The following SEC24B variants were observed in gnomAD, a reference collection of about 807,000 sequenced individuals.
SEC24B encodes protein transport protein Sec24B.
In SEC24B, 45 loss-of-function variants were observed where a neutral mutation model predicts 142.8. The ratio of observed to expected loss-of-function variants is 0.32; its 90% CI spans 0.25 to 0.40. SEC24B has a LOEUF of 0.40. SEC24B is among the 10% of genes least tolerant of loss of function. The pLI is 1.00. For missense variants in SEC24B, 1,409 were observed against 1,526.8 expected (o/e 0.92, Z 1.29); for synonymous variants, 574 against 568.2 (o/e 1.01, Z -0.15).
chr4:109,452,863 T>C (rs1474831843), intron 1 of SEC24B, among the ~76,000 whole-genome samples: 1 of 152,258 alleles, frequency 6.6e-6, no homozygotes, highest in Non-Finnish European at 1.5e-5. Context: ...TTTTCATGAC[T>C]GTGTCTTATT....
At chr4:109,506,800 C>A (rs1459731529) in intron 7 of SEC24B, among the ~76,000 whole-genome samples, 1 of 151,990 alleles carries the variant, frequency 6.6e-6, no homozygotes, top group Non-Finnish European at 1.5e-5. Context: ...TTTCTTAAAT[C>A]TTTTTCCTCA....
At chr4:109,470,453 A>G (rs1732396805) in intron 2 of SEC24B, among the ~76,000 whole-genome samples, 1 of 152,200 alleles carries the variant, frequency 6.6e-6, no homozygotes, top group African/African-American at 2.4e-5. Flanking sequence ...TCTATGGCAA[A>G]TGATTTTTGT....
chr4:109,454,547 A>C (rs1321409049), intron 1 of SEC24B, among the ~76,000 whole-genome samples: 2 of 151,914 alleles, frequency 1.3e-5, no homozygotes, highest in Non-Finnish European at 2.9e-5. Context: ...CCAAAAAAAA[A>C]AAAAGAAAGA....
At chr4:109,469,453 A>G (rs922515085) in intron 2 of SEC24B, among the ~76,000 whole-genome samples, 5 of 152,230 alleles carry the variant, frequency 3.3e-5, no homozygotes, top group Non-Finnish European at 4.4e-5. Flanking sequence ...AGAAGCAAGT[A>G]TTATCCAGAT....
chr4:109,442,446 T>A (rs1216612714), intron 1 of SEC24B, among the ~76,000 whole-genome samples: 1 of 152,202 alleles, frequency 6.6e-6, no homozygotes, highest in Admixed American at 6.5e-5. Flanking sequence ...GGCCTATTTC[T>A]TTGTAATTGA....
At chr4:109,448,538 G>A (rs1027673824) in intron 1 of SEC24B, among the ~76,000 whole-genome samples, 6 of 151,684 alleles carry the variant, frequency 4.0e-5, no homozygotes, top group African/African-American at 7.3e-5. Context: ...AGGTTCAAGC[G>A]ATTCTCCTGC....
At chr4:109,517,065 C>T (rs528650915) in intron 11 of SEC24B, among the ~76,000 whole-genome samples, 4 of 152,140 alleles carry the variant, frequency 2.6e-5, no homozygotes, top group African/African-American at 9.6e-5. Flanking sequence ...GTATAAAGGT[C>T]CCTCAGAAAA....
intron 13 of SEC24B, 59 bp from the exon 14 acceptor site, chr4:109,521,360 TA>T (rs1396730584): frequency 6.3e-6 from 9 of 1,434,074 alleles, no homozygotes; most frequent in Non-Finnish European, 7.8e-6. Flanking sequence ...TGGAATGTTT[TA>T]AAATAAGATT....
At chr4:109,527,628 C>T (rs1724395200) in intron 18 of SEC24B, among the ~76,000 whole-genome samples, 196 bp downstream of exon 18, 1 of 151,668 alleles carries the variant, frequency 6.6e-6, no homozygotes, top group South Asian at 2.1e-4. Flanking sequence ...AAAAAATAGC[C>T]GAGCGTGGTG....
chr4:109,538,692 T>C (rs1380049895), intron 23 of SEC24B, 96 bp downstream of exon 23: 1 of 700,166 alleles, frequency 1.4e-6, no homozygotes, highest in Admixed American at 2.2e-5. Flanking sequence ...TAGCAAAATA[T>C]ATTCTGATGG....
intron 6 of SEC24B, among the ~76,000 whole-genome samples, chr4:109,499,188 A>G (rs1165549402): frequency 6.6e-6 from 1 of 152,218 alleles, no homozygotes; most frequent in Non-Finnish European, 1.5e-5. Context: ...GGTTGTCTAG[A>G]TGACTTGTTT....
chr4:109,444,265 A>G (rs1729222190), intron 1 of SEC24B, among the ~76,000 whole-genome samples: 1 of 151,970 alleles, frequency 6.6e-6, no homozygotes, highest in Non-Finnish European at 1.5e-5. Context: ...GGGGCTGCTA[A>G]TGGAAGTTCC....
intron 3 of SEC24B, among the ~76,000 whole-genome samples, chr4:109,480,214 G>GT (rs1165442578): frequency 1.3e-5 from 2 of 150,572 alleles, no homozygotes; most frequent in African/African-American, 4.9e-5. Context: ...ATTCTTAATA[G>GT]TTTTTTTCTT....
intron 20 of SEC24B, 135 bp from the exon 21 acceptor site, chr4:109,532,501 TATA>T: frequency 3.1e-6 from 2 of 636,738 alleles, no homozygotes; most frequent in Non-Finnish European, 5.6e-6. Flanking sequence ...GGTGGTAGCA[TATA>T]ATCAGTATTT....
At chr4:109,504,731 A>G (rs1333902226) in intron 6 of SEC24B, among the ~76,000 whole-genome samples, 2 of 152,150 alleles carry the variant, frequency 1.3e-5, no homozygotes, top group South Asian at 2.1e-4. Flanking sequence ...GAAGTTCCTC[A>G]TTAAGCTTTC....
chr4:109,496,776 G>A (rs910922645), intron 6 of SEC24B, among the ~76,000 whole-genome samples: 3 of 152,154 alleles, frequency 2.0e-5, no homozygotes, highest in Admixed American at 2.0e-4. Context: ...AGATTTCTCT[G>A]CCTCCCATTT....
rs549883690 is a variant in SEC24B at position 109,511,819 on chromosome 4, A to T, written c.1777-138A>T. 4 of 809,670 alleles carry T rather than the reference A, an allele frequency of 4.9e-6. No individual in the cohort carries two copies. In the South Asian group the frequency reaches 6.5e-5, roughly 13 times the overall value. 50.2% of individuals were successfully genotyped at this position (809,670 alleles called of 1,614,324 possible). On this transcript the variant is annotated intron_variant, in intron 8 of 23. Coordinates refer to ENST00000265175, the MANE Select transcript of SEC24B (RefSeq NM_006323.5). ...CATGTGTTGCTCAACATGTCCCTGG[A>T]TTTTATTAATATGCTTCCATATAAA...
chr4:109,479,988 T>C (rs1733564958), intron 3 of SEC24B, among the ~76,000 whole-genome samples: 1 of 152,188 alleles, frequency 6.6e-6, no homozygotes, highest in Admixed American at 6.5e-5. Flanking sequence ...GAACCTATTT[T>C]ACATTGATTT....
At chr4:109,438,674 A>G (rs1309013611) in intron 1 of SEC24B, among the ~76,000 whole-genome samples, 1 of 152,234 alleles carries the variant, frequency 6.6e-6, no homozygotes, top group Non-Finnish European at 1.5e-5. Context: ...ATAGAGAGGC[A>G]GAAAACCTAG....
Sources: gnomAD v4.1 joint callset for allele counts (sites outside exome capture counted in the v4.1 genomes callset) on GRCh38, gnomAD v4.1.1 for gene constraint, MANE v1.5 for transcripts, NCBI Gene and HGNC (gene_info 2026-07-23, HGNC 2026-07-21) for gene names.